IL15: variants seen among roughly 807,000 people sequenced by gnomAD.
IL15 encodes the protein interleukin-15.
A neutral mutation model predicts 19.6 loss-of-function variants in IL15; 11 were observed. That is an observed-to-expected ratio of 0.56 (90% CI 0.35 to 0.93). The LOEUF (loss-of-function observed/expected upper bound fraction) is 0.93, where lower values mean the gene tolerates loss of function less well. IL15 is among the 40% of genes least tolerant of loss of function. The probability of loss-of-function intolerance (pLI) is 0.01; values close to 1 mark genes in which losing one functional copy is unlikely to be tolerated. For missense variants in IL15, 197 were observed against 186.5 expected, an observed-to-expected ratio of 1.06 and a Z score of -0.33; for synonymous variants, 58 against 59.6, an observed-to-expected ratio of 0.97 and a Z score of 0.12.
intron 2 of IL15, among the ~76,000 whole-genome samples, chr4:141,689,803 A>G (rs1413860143): frequency 6.6e-6 from 1 of 151,992 alleles, no homozygotes; most frequent in Non-Finnish European, 1.5e-5. Context: ...CACCCAGTGG[A>G]TCCCACACTG....
chr4:141,690,861 G>A (rs1236371761), intron 2 of IL15, among the ~76,000 whole-genome samples: 1 of 152,096 alleles, frequency 6.6e-6, no homozygotes, highest in Non-Finnish European at 1.5e-5. Context: ...GTTTACTGGT[G>A]TGCTTCATGT....
Position 141,727,926 on chromosome 4 carries a change from T to C in IL15, c.196-14T>C, listed in dbSNP as rs773177215. ...GCATAGTTTTTAATATTGTCTAATT[T>C]TGTTTCCTTTCAGTCTATGCATATT... On this transcript the variant is annotated splice_polypyrimidine_tract_variant and intron_variant, in intron 5 of 7. Transcript: ENST00000320650. The C allele has an allele frequency of 9.1e-7, 1 of 1,100,680 alleles. No homozygotes were observed. Among genetic ancestry groups the C allele is most frequent in the Non-Finnish European group, 1.4e-6 (1 of 732,910 alleles). 68.2% of individuals were successfully genotyped at this position (1,100,680 alleles called of 1,614,324 possible).
intron 2 of IL15, among the ~76,000 whole-genome samples, chr4:141,673,950 A>G (rs145105964): frequency 2.1e-3 from 321 of 152,342 alleles, no homozygotes; most frequent in African/African-American, 7.4e-3. Flanking sequence ...ATGTAAGCAA[A>G]TTGAACATTC....
intron 2 of IL15, among the ~76,000 whole-genome samples, chr4:141,666,439 T>C (rs1727989464): frequency 6.6e-6 from 1 of 152,210 alleles, no homozygotes; most frequent in Non-Finnish European, 1.5e-5. Context: ...CAGTGCAGCC[T>C]TGACCTCCGG....
chr4:141,656,120 T>A (rs1727585599), intron 1 of IL15, 66 bp from the exon 2 acceptor site: 3 of 397,230 alleles, frequency 7.6e-6, no homozygotes, highest in Non-Finnish European at 1.3e-5. Flanking sequence ...ACCATAAATC[T>A]GAGGAAGGGA....
In IL15 at chr4:141,733,775, C is replaced by T. The variant is rs1730533203; in HGVS notation, c.*927C>T. 1 of 152,090 alleles carries T rather than the reference C, an allele frequency of 6.6e-6. No homozygotes were observed. Among genetic ancestry groups the T allele is most frequent in the Non-Finnish European group, 1.5e-5 (1 of 68,010 alleles). The allele number at this position is 152,090 out of a possible 1,614,324, so 9.4% of individuals were successfully genotyped here. A position where few individuals can be genotyped will look rare whatever the true frequency, so the allele number is the denominator to read the frequency against. On this transcript the variant is annotated 3_prime_UTR_variant, in exon 8 of 8. Coordinates refer to ENST00000320650, the MANE Select transcript of IL15 (RefSeq NM_000585.5). ...ACAGTGTTCATATTTCATGCTTTCC[C>T]AAATACAGGTATTTTATTTTCACAT...
At chr4:141,714,041 C>T (rs1560933620) in intron 2 of IL15, among the ~76,000 whole-genome samples, 1 of 152,108 alleles carries the variant, frequency 6.6e-6, no homozygotes, top group African/African-American at 2.4e-5. Context: ...TACTATTCTC[C>T]CAGTTACCTA....
chr4:141,698,323 T>G (rs528847976), intron 2 of IL15, among the ~76,000 whole-genome samples: 2 of 152,174 alleles, frequency 1.3e-5, no homozygotes, highest in South Asian at 2.1e-4. Context: ...TCTTTCTGGG[T>G]TTTGGTATTA....
At chr4:141,655,149 A>G (rs555976405) in intron 1 of IL15, among the ~76,000 whole-genome samples, 1 of 152,270 alleles carries the variant, frequency 6.6e-6, no homozygotes, top group African/African-American at 2.4e-5. Context: ...TGCAGGATTC[A>G]TCAATTGTGG....
At chr4:141,665,853 T>A (rs1414210466) in intron 2 of IL15, among the ~76,000 whole-genome samples, 4 of 152,154 alleles carry the variant, frequency 2.6e-5, no homozygotes, top group Non-Finnish European at 5.9e-5. Context: ...CCATGGTTTC[T>A]GTCTCATAAC....
intron 2 of IL15, 35 bp from the exon 3 acceptor site, chr4:141,719,331 C>T: frequency 1.8e-6 from 1 of 569,048 alleles, no homozygotes; most frequent in Non-Finnish European, 3.2e-6. Context: ...CTTACTAGTG[C>T]ACTTGTGTTT....
At chr4:141,649,074 A>G (rs959427085) in intron 1 of IL15, among the ~76,000 whole-genome samples, 2 of 152,056 alleles carry the variant, frequency 1.3e-5, no homozygotes, top group Admixed American at 6.6e-5. Flanking sequence ...CCTAAACACA[A>G]CACACTTCCT....
At chr4:141,666,936 C>A (rs1432883048) in intron 2 of IL15, among the ~76,000 whole-genome samples, 1 of 152,218 alleles carries the variant, frequency 6.6e-6, no homozygotes, top group Non-Finnish European at 1.5e-5. Flanking sequence ...CATATTTTTA[C>A]ATGATTGTCC....
At chr4:141,673,793 T>A (rs563415402) in intron 2 of IL15, among the ~76,000 whole-genome samples, 1 of 152,350 alleles carries the variant, frequency 6.6e-6, no homozygotes, top group South Asian at 2.1e-4. Context: ...TTCTTTTTAA[T>A]TTCATTATAT....
At chr4:141,715,197 TA>T (rs1006433863) in intron 2 of IL15, 4 of 152,262 alleles carry the variant, frequency 2.6e-5, no homozygotes, top group African/African-American at 9.7e-5. Flanking sequence ...TTCCAGACTC[TA>T]ACCACATGTA....
chr4:141,721,247 GTGAT>G, intron 4 of IL15: 1 of 733,570 alleles, frequency 1.4e-6, no homozygotes, highest in Non-Finnish European at 2.5e-6. Context: ...CAGGAAGTGA[GTGAT>G]TATTTTTCCT....
At chr4:141,642,252 T>G (rs1015781965) in intron 1 of IL15, among the ~76,000 whole-genome samples, 7 of 151,858 alleles carry the variant, frequency 4.6e-5, no homozygotes, top group Non-Finnish European at 1.0e-4. Context: ...AAAGAGGAAG[T>G]GAGGAAGGAG....
intron 1 of IL15, among the ~76,000 whole-genome samples, chr4:141,641,726 G>T (rs1271954709): frequency 6.6e-6 from 1 of 150,718 alleles, no homozygotes; most frequent in East Asian, 2.0e-4. Context: ...AGCATTAGGA[G>T]ATATACCTAA....
At chr4:141,704,777 T>C (rs963576143) in intron 2 of IL15, among the ~76,000 whole-genome samples, 2 of 151,786 alleles carry the variant, frequency 1.3e-5, no homozygotes, top group African/African-American at 4.8e-5. Context: ...TCAGATTTTC[T>C]ATTTCTTGGT....
Sources: allele counts gnomAD v4.1 joint callset (sites outside exome capture counted in the v4.1 genomes callset), GRCh38; gene constraint gnomAD v4.1.1; transcripts MANE v1.5; gene names NCBI Gene and HGNC (gene_info 2026-07-23, HGNC 2026-07-21).